CYB5R3: variants seen among roughly 807,000 people sequenced by gnomAD.
CYB5R3 encodes cytochrome b5 reductase 3.
In CYB5R3, 28 loss-of-function variants were observed where a neutral mutation model predicts 36.5. That is an observed-to-expected ratio of 0.77 (90% CI 0.57 to 1.05). The LOEUF (loss-of-function observed/expected upper bound fraction) is 1.05, where lower values mean the gene tolerates loss of function less well. CYB5R3 is among the 50% of genes least tolerant of loss of function. The probability of loss-of-function intolerance (pLI) is 0.00; values close to 1 mark genes in which losing one functional copy is unlikely to be tolerated. For missense variants in CYB5R3, 474 were observed against 408.9 expected (o/e 1.16, Z -1.37); for synonymous variants, 181 against 159.8 (o/e 1.13, Z -1.00).
At chr22:42,623,494 A>G (rs1042532753) in intron 8 of CYB5R3, among the ~76,000 whole-genome samples, 4 of 151,932 alleles carry the variant, frequency 2.6e-5, no homozygotes, top group African/African-American at 9.7e-5. Context: ...AGCCCCGCCC[A>G]GGGAGGGGAC....
chr22:42,645,658 G>A (rs975747421), intron 1 of CYB5R3, among the ~76,000 whole-genome samples: 12 of 152,130 alleles, frequency 7.9e-5, no homozygotes, highest in African/African-American at 2.9e-4. Context: ...CTCTGCTCAC[G>A]CCACCTCATT....
intron 2 of CYB5R3, 138 bp downstream of exon 2, chr22:42,636,577 G>C: frequency 4.4e-6 from 6 of 1,374,282 alleles, no homozygotes; most frequent in Non-Finnish European, 6.0e-6. Context: ...CTTAGCAAGA[G>C]ACATCACCTT....
intron 8 of CYB5R3, among the ~76,000 whole-genome samples, chr22:42,623,001 C>T (rs937294752): frequency 3.9e-5 from 6 of 152,214 alleles, no homozygotes; most frequent in Admixed American, 3.9e-4. Context: ...CGGGATTGCC[C>T]ACGGCGGATG....
intron 2 of CYB5R3, among the ~76,000 whole-genome samples, chr22:42,635,324 T>G (rs993193339): frequency 7.9e-5 from 12 of 151,750 alleles, no homozygotes; most frequent in African/African-American, 2.9e-4. Context: ...CAGGATGGTC[T>G]CGATCTCCTG....
chr22:42,631,683 G>A (rs1002173712), intron 2 of CYB5R3: 3 of 589,112 alleles, frequency 5.1e-6, no homozygotes, highest in African/African-American at 3.7e-5. Context: ...TGCTGGCCTA[G>A]AGGGGCCACA....
chr22:42,642,969 G>A (rs1233105024), intron 1 of CYB5R3, among the ~76,000 whole-genome samples: 1 of 152,182 alleles, frequency 6.6e-6, no homozygotes, highest in African/African-American at 2.4e-5. Flanking sequence ...TTGAGTGCCA[G>A]GAAGCTGAGA....
chr22:42,641,460 C>A (rs1318890023), intron 1 of CYB5R3, among the ~76,000 whole-genome samples: 6 of 152,110 alleles, frequency 3.9e-5, no homozygotes, highest in African/African-American at 1.4e-4. Flanking sequence ...GCGCACGCCA[C>A]CACACTTGGC....
chr22:42,624,101 G>A (rs572610762), intron 7 of CYB5R3, among the ~76,000 whole-genome samples: 26 of 152,364 alleles, frequency 1.7e-4, no homozygotes, highest in African/African-American at 4.3e-4. Flanking sequence ...GGGCGAAGGC[G>A]TTCGCTAGAA....
chr22:42,647,575 C>CTGTCTCTACTAAA (rs58352269), intron 1 of CYB5R3, among the ~76,000 whole-genome samples: 1 of 152,162 alleles, frequency 6.6e-6, no homozygotes, highest in Admixed American at 6.5e-5. Flanking sequence ...TGGCGAAGCC[C>CTGTCTCTACTAAA]AGGTGTGATG....
intron 2 of CYB5R3, among the ~76,000 whole-genome samples, chr22:42,633,639 T>C (rs1194388023): frequency 2.0e-5 from 3 of 152,038 alleles, no homozygotes; most frequent in Non-Finnish European, 4.4e-5. Context: ...CAAAATTAGC[T>C]GGGCATGGTG....
rs67349863 is a variant in CYB5R3 at position 42,638,728 on chromosome 22, T to TAAAAAAAAAAAA, written c.22-1894_22-1883dup. ...GCCTGGGAGACAGAGCAAGACTCCA[T>TAAAAAAAAAAAA]AAAAAAAAAAAAAAAAAAAAAAGGC... is the stretch of plus-strand genomic sequence containing the variant. On this transcript the variant is annotated intron_variant, in intron 1 of 8. Transcript: ENST00000352397. Among the ~76,000 whole-genome samples, 110 of 47,506 alleles carry TAAAAAAAAAAAA rather than the reference T, an allele frequency of 2.3e-3. 6 individuals are homozygous for TAAAAAAAAAAAA. Among genetic ancestry groups the TAAAAAAAAAAAA allele is most frequent in the African/African-American group, 4.2e-3 (38 of 9,104 alleles). The allele number at this position is 47,506 out of a possible 152,430, so 31.2% of individuals were successfully genotyped here.
intron 8 of CYB5R3, among the ~76,000 whole-genome samples, chr22:42,622,772 T>G (rs1319804399): frequency 6.6e-6 from 1 of 152,156 alleles, no homozygotes; most frequent in Non-Finnish European, 1.5e-5. Flanking sequence ...GCAGAGGGTG[T>G]GCGCCCCCCA....
At chr22:42,643,480 C>G (rs1202436955) in intron 1 of CYB5R3, among the ~76,000 whole-genome samples, 7 of 137,464 alleles carry the variant, frequency 5.1e-5, no homozygotes, top group Admixed American at 2.3e-4. Flanking sequence ...CCCAGCAGCT[C>G]CAAGCTGCCC....
intron 7 of CYB5R3, among the ~76,000 whole-genome samples, chr22:42,626,207 G>A (rs1928259368): frequency 6.6e-6 from 1 of 152,036 alleles, no homozygotes; most frequent in African/African-American, 2.4e-5. Flanking sequence ...CTACTCGGGA[G>A]GCTGAGGCAG....
intron 1 of CYB5R3, among the ~76,000 whole-genome samples, chr22:42,638,341 A>G (rs1390957825): frequency 7.0e-6 from 1 of 142,428 alleles, no homozygotes; most frequent in Non-Finnish European, 1.5e-5. Flanking sequence ...GGTTGCAGTG[A>G]GCCAAGATCA....
At chr22:42,640,862 CTTTA>C (rs557630214) in intron 1 of CYB5R3, among the ~76,000 whole-genome samples, 274 of 151,324 alleles carry the variant, frequency 1.8e-3, no homozygotes, top group African/African-American at 6.0e-3. Context: ...TTTTTTTTCT[CTTTA>C]TTTATTTTTT....
chr22:42,626,808 A>G (rs2146874349), intron 7 of CYB5R3, among the ~76,000 whole-genome samples: 1 of 148,136 alleles, frequency 6.8e-6, no homozygotes, highest in South Asian at 2.1e-4. Context: ...TAGCTCGTCC[A>G]AGACCACACA....
At chr22:42,631,748 A>G in intron 2 of CYB5R3, 1 of 499,040 alleles carries the variant, frequency 2.0e-6, no homozygotes, top group South Asian at 2.2e-5. Context: ...AGGATGCCAG[A>G]CAGGACGGGG....
chr22:42,647,386 G>A (rs1359036736), intron 1 of CYB5R3, among the ~76,000 whole-genome samples: 3 of 152,228 alleles, frequency 2.0e-5, no homozygotes, highest in African/African-American at 7.2e-5. Context: ...AGCTGGGATG[G>A]GAGGATCACT....
Sources: gnomAD v4.1 joint callset for allele counts (sites outside exome capture counted in the v4.1 genomes callset) on GRCh38, gnomAD v4.1.1 for gene constraint, MANE v1.5 for transcripts, NCBI Gene and HGNC (gene_info 2026-07-23, HGNC 2026-07-21) for gene names.